The following GCNT2 variants were observed in gnomAD, a reference collection of about 807,000 sequenced individuals.
GCNT2 encodes the protein glucosaminyl (N-acetyl) transferase 2 (I blood group).
GCNT2 carries 34 observed loss-of-function variants against 34.2 expected under a neutral mutation model. The observed-to-expected ratio is 1.00, with a 90% CI of 0.76 to 1.32. GCNT2 has a LOEUF of 1.32. GCNT2 is among the 40% of genes most tolerant of loss of function. The probability of loss-of-function intolerance (pLI) is 0.00; values close to 1 mark genes in which losing one functional copy is unlikely to be tolerated. For synonymous variants in GCNT2, 212 were observed against 188.0 expected, an observed-to-expected ratio of 1.13 and a Z score of -1.04; for missense variants, 584 against 489.4, an observed-to-expected ratio of 1.19 and a Z score of -1.82.
chr6:10,578,742 G>C (rs548365914), intron 3 of GCNT2, among the ~76,000 whole-genome samples: 2 of 152,208 alleles, frequency 1.3e-5, no homozygotes, highest in African/African-American at 4.8e-5. Context: ...CACTGCGCCC[G>C]GCCCGGAGCT....
chr6:10,622,808 G>A (rs1766097503), intron 4 of GCNT2, among the ~76,000 whole-genome samples: 1 of 128,068 alleles, frequency 7.8e-6, no homozygotes, highest in African/African-American at 2.9e-5. Context: ...CTGGAGAGCA[G>A]TGGCGCCATC....
In GCNT2 at chr6:10,528,832, T is replaced by C. The variant is rs1171146229; in HGVS notation, c.-80T>C. On this transcript the variant is annotated 5_prime_UTR_variant, in exon 3 of 5. Transcript: ENST00000495262. ...CCATCACGAGGATGATTTCGGAACC[T>C]GGAGAAAATGTAAGTTAAATATATC... is the stretch of plus-strand genomic sequence containing the variant. 1.7e-6 allele frequency: 2 copies of C among 1,182,988 alleles called. No homozygotes were observed. Among genetic ancestry groups the C allele is most frequent in the Admixed American group, 1.7e-5 (1 of 59,276 alleles). The allele number at this position is 1,182,988 out of a possible 1,614,324, so 73.3% of individuals were successfully genotyped here. A position where few individuals can be genotyped will look rare whatever the true frequency, so the allele number is the denominator to read the frequency against.
At chr6:10,625,596 G>A (rs1335640133) in intron 4 of GCNT2, among the ~76,000 whole-genome samples, 1 of 152,116 alleles carries the variant, frequency 6.6e-6, no homozygotes, top group Non-Finnish European at 1.5e-5. Flanking sequence ...TGCAAAGTAG[G>A]CACTTGGATA....
At chr6:10,577,355 C>T (rs659094) in intron 3 of GCNT2, among the ~76,000 whole-genome samples, 3,308 of 152,262 alleles carry the variant, frequency 0.022, 107 homozygotes, top group African/African-American at 0.073. Flanking sequence ...TCCCTACCTT[C>T]GGGAGCTCAG....
intron 3 of GCNT2, among the ~76,000 whole-genome samples, chr6:10,600,348 A>G (rs1765040132): frequency 1.3e-5 from 2 of 152,248 alleles, no homozygotes; most frequent in South Asian, 4.1e-4. Flanking sequence ...TTTACCATAA[A>G]GGAGATCCGT....
chr6:10,588,661 G>A (rs1055411157), intron 3 of GCNT2, among the ~76,000 whole-genome samples: 1 of 152,176 alleles, frequency 6.6e-6, no homozygotes, highest in Non-Finnish European at 1.5e-5. Flanking sequence ...GGAGGGCTGT[G>A]GAAGGAAGTT....
chr6:10,556,868 T>G (rs760128376), intron 3 of GCNT2: 2 of 1,614,210 alleles, frequency 1.2e-6, no homozygotes, highest in South Asian at 2.2e-5. Context: ...CCCAAACGCT[T>G]TTCTGGCTTC....
At chr6:10,532,280 C>T (rs1406422585) in intron 3 of GCNT2, among the ~76,000 whole-genome samples, 1 of 152,216 alleles carries the variant, frequency 6.6e-6, no homozygotes, top group Non-Finnish European at 1.5e-5. Context: ...TGGATTTTTA[C>T]ACCCCGTGTT....
chr6:10,533,881 C>T (rs564126527), intron 3 of GCNT2, among the ~76,000 whole-genome samples: 84 of 149,532 alleles, frequency 5.6e-4, no homozygotes, highest in African/African-American at 2.0e-3. Flanking sequence ...TGGCCTGTGG[C>T]TGCGACCACA....
intron 3 of GCNT2, among the ~76,000 whole-genome samples, chr6:10,541,882 C>T (rs560594550): frequency 3.0e-4 from 46 of 152,258 alleles, no homozygotes; most frequent in African/African-American, 9.4e-4. Context: ...AGCAGTTTGT[C>T]CTTTGTGCTC....
At chr6:10,542,999 C>G (rs1326121671) in intron 3 of GCNT2, among the ~76,000 whole-genome samples, 1 of 150,840 alleles carries the variant, frequency 6.6e-6, no homozygotes, top group Admixed American at 6.6e-5. Context: ...CCTCCACCTC[C>G]CGGGTTCAAG....
At chr6:10,556,511 G>A (rs1209197466) in intron 3 of GCNT2, 30 of 1,613,860 alleles carry the variant, frequency 1.9e-5, no homozygotes, top group Non-Finnish European at 2.2e-5. Context: ...TTTTGGGGGA[G>A]ATCCAAGCTT....
At chr6:10,534,901 G>A (rs1761688384) in intron 3 of GCNT2, among the ~76,000 whole-genome samples, 1 of 152,010 alleles carries the variant, frequency 6.6e-6, no homozygotes, top group African/African-American at 2.4e-5. Flanking sequence ...ACAAAACATG[G>A]GTCCGGGCAC....
At chr6:10,602,310 T>C (rs1765122724) in intron 3 of GCNT2, among the ~76,000 whole-genome samples, 1 of 152,208 alleles carries the variant, frequency 6.6e-6, no homozygotes, top group South Asian at 2.1e-4. Context: ...CAAGGGCTCC[T>C]TCCCAGACAC....
At chr6:10,586,597 T>C in intron 3 of GCNT2, 1 of 1,614,168 alleles carries the variant, frequency 6.2e-7, no homozygotes. Context: ...AACCGGGAGA[T>C]AGTTCAGCAT....
chr6:10,621,681 C>G (rs7745208), intron 4 of GCNT2: 4 of 478,028 alleles, frequency 8.4e-6, no homozygotes, highest in South Asian at 2.0e-5. Context: ...CAAATCAGGG[C>G]GGCATGTTTT....
chr6:10,553,336 C>G (rs1353840063), intron 3 of GCNT2, among the ~76,000 whole-genome samples: 1 of 152,130 alleles, frequency 6.6e-6, no homozygotes, highest in Non-Finnish European at 1.5e-5. Flanking sequence ...AGGTCTTTTC[C>G]ACCTCCTTCA....
At chr6:10,622,451 C>G (rs1169070109) in intron 4 of GCNT2, among the ~76,000 whole-genome samples, 1 of 151,888 alleles carries the variant, frequency 6.6e-6, no homozygotes, top group East Asian at 1.9e-4. Flanking sequence ...GTGTCTGTGT[C>G]CTAATCGCCT....
At chr6:10,553,994 A>C (rs1762588255) in intron 3 of GCNT2, among the ~76,000 whole-genome samples, 1 of 152,250 alleles carries the variant, frequency 6.6e-6, no homozygotes, top group South Asian at 2.1e-4. Context: ...GGGAGTGTTA[A>C]CATGTCTAGC....
Sources: allele counts gnomAD v4.1 joint callset (sites outside exome capture counted in the v4.1 genomes callset), GRCh38; gene constraint gnomAD v4.1.1; transcripts MANE v1.5; gene names NCBI Gene and HGNC (gene_info 2026-07-23, HGNC 2026-07-21).